The following PTCHD4 variants were observed in gnomAD, a reference collection of about 807,000 sequenced individuals.
The protein encoded by PTCHD4 is patched domain containing 4.
PTCHD4 carries 33 observed loss-of-function variants against 58.1 expected under a neutral mutation model. That is an observed-to-expected ratio of 0.57 (90% confidence interval 0.43 to 0.76). PTCHD4 has a LOEUF of 0.76. Among genes scored for constraint, PTCHD4 ranks in the 30% least tolerant of loss-of-function variants. PTCHD4 has a pLI of 0.00. For synonymous variants in PTCHD4, 478 were observed against 409.6 expected (o/e 1.17, Z -2.02); for missense variants, 1,058 against 1,027.1 (o/e 1.03, Z -0.41).
At chr6:47,995,060 T>A (rs1768430762) in intron 4 of PTCHD4, among the ~76,000 whole-genome samples, 1 of 152,196 alleles carries the variant, frequency 6.6e-6, no homozygotes, top group Admixed American at 6.5e-5. Flanking sequence ...TTGGTCTAGA[T>A]AGATAGCGTT....
In PTCHD4 at chr6:48,069,667, C is replaced by A. The variant is rs982145534; in HGVS notation, c.-710G>T. The stretch of plus-strand genomic sequence containing the variant: ...TTTGCCAATAGCAGTAGCCTGTGTG[C>A]GTGTGCGTGTGCGTGTGTGTGTATT... On this transcript the variant is annotated 5_prime_UTR_variant, in exon 2 of 5. Coordinates refer to ENST00000339488, the MANE Select transcript of PTCHD4 (RefSeq NM_001384253.1). Among the ~76,000 whole-genome samples the A allele has an allele frequency of 9.2e-6, 1 of 108,146 alleles. No individual in the cohort carries two copies. The highest frequency in any genetic ancestry group is 1.9e-5 in the Non-Finnish European group (1 of 51,642). The allele number at this position is 108,146 out of a possible 152,430, so 70.9% of individuals were successfully genotyped here. A position where few individuals can be genotyped will look rare whatever the true frequency, so the allele number is the denominator to read the frequency against.
At chr6:48,100,411 A>G (rs1363704221) in intron 1 of PTCHD4, among the ~76,000 whole-genome samples, 1 of 152,170 alleles carries the variant, frequency 6.6e-6, no homozygotes, top group Non-Finnish European at 1.5e-5. Context: ...TTCTCCCATT[A>G]ACAGAACCTC....
chr6:47,917,622 C>T (rs534875098), intron 4 of PTCHD4, among the ~76,000 whole-genome samples: 107 of 152,238 alleles, frequency 7.0e-4, no homozygotes, highest in African/African-American at 2.3e-3. Context: ...TTTCCTCAAA[C>T]TCAAATAAAT....
intron 4 of PTCHD4, among the ~76,000 whole-genome samples, chr6:47,906,168 T>C (rs549041127): frequency 4.6e-5 from 7 of 152,218 alleles, no homozygotes; most frequent in Non-Finnish European, 1.0e-4. Flanking sequence ...CTATGAGAGC[T>C]GTGGAGTCCC....
chr6:47,902,046 C>T (rs1033181053), intron 4 of PTCHD4: 24 of 558,398 alleles, frequency 4.3e-5, no homozygotes, highest in Non-Finnish European at 6.6e-5. Flanking sequence ...GAGTTATCAC[C>T]ATCATCAACA....
At chr6:48,012,766 A>G (rs1254224171) in intron 3 of PTCHD4, among the ~76,000 whole-genome samples, 1 of 152,132 alleles carries the variant, frequency 6.6e-6, no homozygotes, top group Non-Finnish European at 1.5e-5. Flanking sequence ...CTAGTTTTCA[A>G]AAGTTTTTAG....
At chr6:47,892,929 C>T (rs896590478) in intron 4 of PTCHD4, among the ~76,000 whole-genome samples, 2 of 152,216 alleles carry the variant, frequency 1.3e-5, no homozygotes, top group Non-Finnish European at 2.9e-5. Context: ...TGGGATGATT[C>T]TGATCATTGG....
chr6:48,066,625 TA>T (rs1386816608), intron 3 of PTCHD4, among the ~76,000 whole-genome samples: 2 of 152,200 alleles, frequency 1.3e-5, no homozygotes, highest in Non-Finnish European at 2.9e-5. Context: ...GCATGCTGCC[TA>T]ACCACACATC....
At chr6:48,037,204 C>G (rs1663800335) in intron 3 of PTCHD4, among the ~76,000 whole-genome samples, 1 of 152,108 alleles carries the variant, frequency 6.6e-6, no homozygotes, top group African/African-American at 2.4e-5. Context: ...AGCATATTAT[C>G]AAAGCTTTTA....
chr6:48,110,124 A>T (rs1351810990), intron 1 of PTCHD4, among the ~76,000 whole-genome samples: 1 of 152,314 alleles, frequency 6.6e-6, no homozygotes, highest in East Asian at 1.9e-4. Context: ...CAAAAGGAAA[A>T]TGAAATCAGC....
At chr6:47,991,867 T>G (rs911217921) in intron 4 of PTCHD4, among the ~76,000 whole-genome samples, 1 of 152,054 alleles carries the variant, frequency 6.6e-6, no homozygotes, top group African/African-American at 2.4e-5. Context: ...TGAATTATAT[T>G]AATTCAATCC....
chr6:47,934,374 A>G (rs1174505280), intron 4 of PTCHD4, among the ~76,000 whole-genome samples: 1 of 152,034 alleles, frequency 6.6e-6, no homozygotes, highest in East Asian at 1.9e-4. Context: ...GGAACAAAGA[A>G]CCCCATCTTT....
In PTCHD4 at chr6:48,068,418, G is replaced by A. The variant is rs1764876271; in HGVS notation, c.229C>T (p.Leu77=). 6.2e-7 allele frequency: 1 copy of A among 1,613,880 alleles called. No individual in the cohort carries two copies. The highest frequency in any genetic ancestry group is 8.5e-7 in the Non-Finnish European group (1 of 1,179,902). ...LERLVAPSHS[L]AKIERSLASS... ...GCCAGGCTGCGCTCGATCTTGGCCA[G>A]GCTGTGGCTGGGAGCGACCAGGCGC... The change falls in exon 3 of 5, where the codon CTG becomes TTG. Residue 77 remains leucine, a synonymous_variant. Coordinates refer to ENST00000339488, the MANE Select transcript of PTCHD4 (RefSeq NM_001384253.1). This position sits in a 1 kb window ranked among gnomAD's most constrained non-coding sequence, Gnocchi z 4.2.
At chr6:47,978,664 C>G (rs1661749749) in intron 4 of PTCHD4, among the ~76,000 whole-genome samples, 1 of 152,112 alleles carries the variant, frequency 6.6e-6, no homozygotes, top group Non-Finnish European at 1.5e-5. Flanking sequence ...TTATTCTGCA[C>G]AATAACTCTA....
chr6:47,987,165 T>G (rs1039448188), intron 4 of PTCHD4, among the ~76,000 whole-genome samples: 1 of 146,204 alleles, frequency 6.8e-6, no homozygotes, highest in Non-Finnish European at 1.5e-5. Context: ...TTAGAGGCAG[T>G]AAATATTAAC....
At chr6:48,075,439 G>GGTTTTT (rs1562040806) in intron 1 of PTCHD4, among the ~76,000 whole-genome samples, 1 of 136,770 alleles carries the variant, frequency 7.3e-6, no homozygotes. Context: ...AGTTTTGTGG[G>GGTTTTT]TTTTTTTTTT....
At chr6:47,988,785 CT>C (rs1271441445) in intron 4 of PTCHD4, among the ~76,000 whole-genome samples, 1 of 152,270 alleles carries the variant, frequency 6.6e-6, no homozygotes, top group Middle Eastern at 3.4e-3. Context: ...AATTAAACCT[CT>C]TTTTTTCCCA....
At chr6:48,002,900 A>T (rs138177973) in intron 4 of PTCHD4, among the ~76,000 whole-genome samples, 1,562 of 152,166 alleles carry the variant, frequency 0.01, 38 homozygotes, top group African/African-American at 0.036. Context: ...TGACTTCTAT[A>T]TTGCTAAATC....
chr6:48,012,754 A>T (rs1296789027), intron 3 of PTCHD4, among the ~76,000 whole-genome samples: 2 of 152,138 alleles, frequency 1.3e-5, no homozygotes, highest in African/African-American at 4.8e-5. Flanking sequence ...TTCCATCAGT[A>T]CCTAGTTTTC....
Sources: allele counts gnomAD v4.1 joint callset (sites outside exome capture counted in the v4.1 genomes callset), GRCh38; gene constraint gnomAD v4.1.1; non-coding constraint Gnocchi (gnomAD v3.1); transcripts MANE v1.5; gene names NCBI Gene and HGNC (gene_info 2026-07-23, HGNC 2026-07-21).